Variants in ABCB1 observed in about 807,000 individuals in gnomAD.
ABCB1 encodes ATP-dependent translocase ABCB1.
ABCB1 carries 69 observed loss-of-function variants against 142.0 expected under a neutral mutation model. The ratio of observed to expected loss-of-function variants is 0.49; its 90% CI spans 0.40 to 0.59. ABCB1 has a LOEUF of 0.59. ABCB1 is among the 20% of genes least tolerant of loss of function. ABCB1 has a pLI of 0.00. For missense variants in ABCB1, 1,326 were observed against 1,554.7 expected (o/e 0.85, Z 2.47); for synonymous variants, 532 against 539.2 (o/e 0.99, Z 0.18).
At chr7:87,589,240 G>A (rs185226694) in intron 3 of ABCB1, among the ~76,000 whole-genome samples, 107 of 152,248 alleles carry the variant, frequency 7.0e-4, no homozygotes, top group African/African-American at 2.5e-3. Flanking sequence ...TTTACAAAAT[G>A]AGGAAAATAT....
intron 25 of ABCB1, among the ~76,000 whole-genome samples, chr7:87,510,363 G>A (rs1303112134): frequency 2.6e-5 from 4 of 152,336 alleles, no homozygotes; most frequent in African/African-American, 9.6e-5. Flanking sequence ...CCTCAATACT[G>A]AGCCAGATGA....
chr7:87,630,552 C>T (rs1188238047), intron 1 of ABCB1, among the ~76,000 whole-genome samples: 1 of 151,962 alleles, frequency 6.6e-6, no homozygotes, highest in Non-Finnish European at 1.5e-5. Context: ...AATATACAGA[C>T]ATCAAAAATT....
At chr7:87,537,604 G>T (rs1816355084) in intron 19 of ABCB1, among the ~76,000 whole-genome samples, 1 of 152,066 alleles carries the variant, frequency 6.6e-6, no homozygotes, top group African/African-American at 2.4e-5. Context: ...AGAGTCAAAA[G>T]CTCCATTTTG....
chr7:87,637,478 G>T (rs1055495556), intron 1 of ABCB1, among the ~76,000 whole-genome samples: 9 of 152,040 alleles, frequency 5.9e-5, no homozygotes, highest in Non-Finnish European at 1.3e-4. Context: ...TATTAAGCTT[G>T]CACTGGTACT....
chr7:87,541,290 A>G (rs893349334), intron 18 of ABCB1, 67 bp downstream of exon 18: 2 of 1,099,566 alleles, frequency 1.8e-6, no homozygotes, highest in Non-Finnish European at 1.4e-6. Context: ...ACTGATGTTT[A>G]TAAATCCCCC....
In ABCB1 at chr7:87,505,965, G is replaced by C. The variant is rs1814716479; in HGVS notation, c.3568C>G (p.Leu1190Val). ...AGCAAAATATGAGGCTGTCTAACAA[G>C]GGCACGAGCTATGGCAATGCGTTGT... Reference protein sequence around the residue: ...QKQRIAIARALVRQPHILLLD... With the variant: ...QKQRIAIARAVVRQPHILLLD... The change falls in exon 27 of 28, where the codon CTT (leucine) becomes GTT (valine). Residue 1190 changes from leucine to valine, a missense_variant. Physicochemically the swap from Leu to Val is conservative, Grantham distance 32. Transcript: ENST00000622132. 12 of 1,614,114 alleles carry C rather than the reference G, an allele frequency of 7.4e-6. No individual in the cohort carries two copies. The highest frequency in any genetic ancestry group is 1.0e-5 in the Non-Finnish European group (12 of 1,180,004).
intron 21 of ABCB1, chr7:87,521,603 G>C (rs1297194952): frequency 1.8e-5 from 14 of 762,782 alleles, no homozygotes; most frequent in Non-Finnish European, 3.3e-5. Flanking sequence ...GTGGTAATGA[G>C]AGATCCAAAT....
chr7:87,515,785 T>C (rs112845881), intron 24 of ABCB1, among the ~76,000 whole-genome samples: 80 of 151,660 alleles, frequency 5.3e-4, no homozygotes, highest in African/African-American at 1.6e-3. Flanking sequence ...TTATTTGAGA[T>C]GGAGTTTCAC....
At position 87,635,015 on chromosome 7, in the gene ABCB1, CAG is replaced by C. The variant is rs1821621066; in HGVS notation, c.-330-33939_-330-33938del. 2.0e-5 allele frequency among the ~76,000 whole-genome samples: 3 copies of C among 152,124 alleles called. No individual in the cohort carries two copies. In the South Asian group the frequency reaches 6.2e-4, roughly 32 times the overall value. Reference sequence around the variant, plus strand: ...AAACTGCATTCATATTAATTGACAACAGAGACTAGCTATCCCCCAGTCCTTTA... The same window carrying C: ...AAACTGCATTCATATTAATTGACAACAGACTAGCTATCCCCCAGTCCTTTA... On this transcript the variant is annotated intron_variant, in intron 1 of 28. Coordinates refer to the ABCB1 transcript ENST00000265724.
At chr7:87,514,503 T>C (rs1815147932) in intron 25 of ABCB1, among the ~76,000 whole-genome samples, 1 of 151,992 alleles carries the variant, frequency 6.6e-6, no homozygotes, top group Non-Finnish European at 1.5e-5. Context: ...TTGATTCTAC[T>C]TTTTTTTCCT....
At chr7:87,650,469 C>A (rs879210148) in intron 1 of ABCB1, among the ~76,000 whole-genome samples, 6 of 152,042 alleles carry the variant, frequency 3.9e-5, no homozygotes, top group Admixed American at 1.3e-4. Flanking sequence ...TCCCTCAGGC[C>A]TCTTTTATAA....
At chr7:87,536,045 C>A (rs1265437530) in intron 20 of ABCB1, among the ~76,000 whole-genome samples, 5 of 152,164 alleles carry the variant, frequency 3.3e-5, no homozygotes, top group Non-Finnish European at 1.5e-5. Context: ...ATGTGCTTTT[C>A]ATTTCCTTCA....
At chr7:87,585,817 C>T in intron 3 of ABCB1, 137 bp from the exon 4 acceptor site, 2 of 803,882 alleles carry the variant, frequency 2.5e-6, no homozygotes, top group South Asian at 3.4e-5. Flanking sequence ...AAGACACCCT[C>T]TACCTTTGCT....
chr7:87,536,054 C>T (rs920782193), intron 20 of ABCB1, among the ~76,000 whole-genome samples: 1 of 152,164 alleles, frequency 6.6e-6, no homozygotes, highest in Non-Finnish European at 1.5e-5. Context: ...TCATTTCCTT[C>T]AACCTATATT....
At chr7:87,664,878 C>T (rs1825075432) in intron 1 of ABCB1, among the ~76,000 whole-genome samples, 1 of 152,088 alleles carries the variant, frequency 6.6e-6, no homozygotes, top group Non-Finnish European at 1.5e-5. Context: ...AGAAGCTTAG[C>T]AAAGCATTTC....
At chr7:87,514,378 C>T (rs577157266) in intron 25 of ABCB1, among the ~76,000 whole-genome samples, 3 of 152,276 alleles carry the variant, frequency 2.0e-5, no homozygotes, top group Admixed American at 6.5e-5. Context: ...GTCTTCTTTC[C>T]TATCCCCCAT....
chr7:87,625,833 C>T (rs1044585401), intron 1 of ABCB1, among the ~76,000 whole-genome samples: 11 of 151,900 alleles, frequency 7.2e-5, no homozygotes, highest in Admixed American at 5.9e-4. Flanking sequence ...ATAGAAATTT[C>T]GCCTGCTTTT....
At chr7:87,649,339 G>A (rs575412436) in intron 1 of ABCB1, among the ~76,000 whole-genome samples, 3 of 152,164 alleles carry the variant, frequency 2.0e-5, no homozygotes, top group South Asian at 2.1e-4. Flanking sequence ...TGGGTACAAC[G>A]TTCAAAGCAT....
chr7:87,697,572 T>G (rs1172727485), intron 1 of ABCB1, among the ~76,000 whole-genome samples: 2 of 152,240 alleles, frequency 1.3e-5, no homozygotes, highest in African/African-American at 4.8e-5. Context: ...ATGTGAAGAA[T>G]TTAACTTTGC....
Sources: gnomAD v4.1 joint callset for allele counts (sites outside exome capture counted in the v4.1 genomes callset) on GRCh38, gnomAD v4.1.1 for gene constraint, MANE v1.5 for transcripts, NCBI Gene and HGNC (gene_info 2026-07-23, HGNC 2026-07-21) for gene names.